The following GALNT18 variants were observed in gnomAD, a reference collection of about 807,000 sequenced individuals.
GALNT18 encodes GalNAc-transferase 18.
Under a neutral mutation model 69.5 loss-of-function variants are expected in GALNT18, and 44 were observed. That is an observed-to-expected ratio of 0.63 (90% confidence interval 0.50 to 0.81). The LOEUF (loss-of-function observed/expected upper bound fraction) is 0.81. Among genes scored for constraint, GALNT18 ranks in the 40% least tolerant of loss-of-function variants. The probability of loss-of-function intolerance (pLI) is 0.00; values close to 1 mark genes in which losing one functional copy is unlikely to be tolerated. For synonymous variants in GALNT18, 364 were observed against 318.2 expected (o/e 1.14, Z -1.53); for missense variants, 715 against 810.0 (o/e 0.88, Z 1.42).
At chr11:11,525,832 C>T (rs1259903026) in intron 1 of GALNT18, among the ~76,000 whole-genome samples, 1 of 151,924 alleles carries the variant, frequency 6.6e-6, no homozygotes, top group Non-Finnish European at 1.5e-5. Context: ...CAGGGTTTCT[C>T]CATGTTGGTC....
intron 1 of GALNT18, among the ~76,000 whole-genome samples, chr11:11,495,244 T>A (rs1856846467): frequency 6.6e-6 from 1 of 152,140 alleles, no homozygotes; most frequent in Non-Finnish European, 1.5e-5. Flanking sequence ...AGAGCAGCAT[T>A]TTTGCATGGT....
intron 10 of GALNT18, among the ~76,000 whole-genome samples, chr11:11,284,449 G>T (rs1454378516): frequency 6.6e-6 from 1 of 152,098 alleles, no homozygotes; most frequent in Non-Finnish European, 1.5e-5. Flanking sequence ...TGGTGGTGGT[G>T]GTCTGGGACC....
chr11:11,308,860 A>G (rs55679370), intron 9 of GALNT18, among the ~76,000 whole-genome samples: 17,493 of 152,154 alleles, frequency 0.11, 1,285 homozygotes, highest in South Asian at 0.35. Flanking sequence ...TGTGGCCTCA[A>G]TTCTGGGGTG....
Position 11,543,026 on chromosome 11 carries a change from G to T in GALNT18, c.235+78333C>A, listed in dbSNP as rs1177884907. On this transcript the variant is annotated intron_variant, in intron 1 of 10. Coordinates refer to ENST00000227756, the MANE Select transcript of GALNT18 (RefSeq NM_198516.3). This position sits in a 1 kb window ranked among gnomAD's most constrained non-coding sequence, Gnocchi z 5.1. ...GAGTGAATGATATGACCTTCCTCAA[G>T]GTTGTTTCAGGCACTAAATGCACCA... Among the ~76,000 whole-genome samples, 1 of 152,180 alleles carries T rather than the reference G, an allele frequency of 6.6e-6. No individual in the cohort carries two copies. The highest frequency in any genetic ancestry group is 6.5e-5 in the Admixed American group (1 of 15,284).
chr11:11,281,963 C>G (rs538686122), intron 10 of GALNT18, among the ~76,000 whole-genome samples: 2 of 152,020 alleles, frequency 1.3e-5, no homozygotes, highest in East Asian at 1.9e-4. Flanking sequence ...GGTGGGGCAT[C>G]GCTGAGCAGA....
intron 6 of GALNT18, among the ~76,000 whole-genome samples, chr11:11,366,482 A>G (rs931765581): frequency 3.3e-5 from 5 of 152,202 alleles, no homozygotes; most frequent in African/African-American, 1.2e-4. Context: ...GTTAAAAATA[A>G]TGATTAGAAT....
intron 10 of GALNT18, among the ~76,000 whole-genome samples, chr11:11,285,145 G>A (rs937958294): frequency 5.3e-5 from 8 of 151,990 alleles, no homozygotes; most frequent in African/African-American, 1.9e-4. Context: ...TTTGCGACAG[G>A]CTCAGCAGGG....
At chr11:11,457,360 C>T (rs1362011355) in intron 1 of GALNT18, among the ~76,000 whole-genome samples, 1 of 152,206 alleles carries the variant, frequency 6.6e-6, no homozygotes, top group African/African-American at 2.4e-5. Flanking sequence ...CTCTTGCCAT[C>T]GCTGGAGATA....
rs2133897814 is a variant in GALNT18 at position 11,500,304 on chromosome 11, C to G, written c.236-51368G>C. On this transcript the variant is annotated intron_variant, in intron 1 of 10. Transcript: ENST00000227756. This position sits in a 1 kb window ranked among gnomAD's most constrained non-coding sequence, Gnocchi z 5.0. ...CCCGGGAGTCCCTAATACTGGCGGA[C>G]AGAGATGGGTTTCAAATCCCAATTT... is the stretch of plus-strand genomic sequence containing the variant. Among the ~76,000 whole-genome samples the G allele has an allele frequency of 6.6e-6, 1 of 152,246 alleles. No individual in the cohort carries two copies. The highest frequency in any genetic ancestry group is 1.5e-5 in the Non-Finnish European group (1 of 68,012).
chr11:11,397,791 A>G (rs550803896), intron 3 of GALNT18, among the ~76,000 whole-genome samples: 5 of 152,306 alleles, frequency 3.3e-5, no homozygotes, highest in South Asian at 4.1e-4. Flanking sequence ...TATATTTTTA[A>G]AAGGGCATAG....
At chr11:11,407,159 C>T (rs1448794519) in intron 3 of GALNT18, among the ~76,000 whole-genome samples, 1 of 152,190 alleles carries the variant, frequency 6.6e-6, no homozygotes, top group East Asian at 1.9e-4. Flanking sequence ...ACGTCATAGG[C>T]AGAGACAATG....
intron 9 of GALNT18, among the ~76,000 whole-genome samples, chr11:11,301,749 C>G (rs184842481): frequency 6.6e-6 from 1 of 152,194 alleles, no homozygotes; most frequent in South Asian, 2.1e-4. Context: ...CAACAAACAC[C>G]CTCTTTGCCT....
rs1860198657 is a variant in GALNT18 at position 11,621,685 on chromosome 11, G to A, written c.-92C>T. On this transcript the variant is annotated 5_prime_UTR_variant, in exon 1 of 11. Transcript: ENST00000227756. This position sits in a 1 kb window ranked among gnomAD's most constrained non-coding sequence, Gnocchi z 9.3. ...GCGCTCGCACCCCGTAGCACGTCCG[G>A]AGCCGCTGGGCACCTCAGCACCTGA... is the stretch of plus-strand genomic sequence containing the variant. 8.5e-6 allele frequency: 8 copies of A among 938,630 alleles called. No homozygotes were observed. The South Asian group carries it at 1.3e-4, about 15-fold the overall frequency. The allele number at this position is 938,630 out of a possible 1,614,324, so 58.1% of individuals were successfully genotyped here. A position where few individuals can be genotyped will look rare whatever the true frequency, so the allele number is the denominator to read the frequency against.
In GALNT18 at chr11:11,288,123, C is replaced by T. The variant is rs141016224; in HGVS notation, c.1677+4906G>A. Among the ~76,000 whole-genome samples the T allele has an allele frequency of 3.1e-3, 474 of 152,242 alleles. 18 individuals carry two copies. The highest frequency in any genetic ancestry group is 0.026 in the Admixed American group (394 of 15,294). On this transcript the variant is annotated intron_variant, in intron 10 of 10. Coordinates refer to ENST00000227756, the MANE Select transcript of GALNT18 (RefSeq NM_198516.3). ...ATTTTGCACACCCCACCATGGAAAT[C>T]TACTACTTAAGAACCTTCCCCATTC...
At position 11,586,735 on chromosome 11, in the gene GALNT18, A is replaced by G. The variant is rs1859235754; in HGVS notation, c.235+34624T>C. On this transcript the variant is annotated intron_variant, in intron 1 of 10. Transcript: ENST00000227756. This position sits in a 1 kb window ranked among gnomAD's most constrained non-coding sequence, Gnocchi z 4.1. ...ATGCCTGTAATCACAGCCCTTTGGG[A>G]CGCCGAGGCGGGCAGATCACCTGAG... 6.6e-6 allele frequency among the ~76,000 whole-genome samples: 1 copy of G among 152,168 alleles called. No homozygotes were observed.
intron 1 of GALNT18, among the ~76,000 whole-genome samples, chr11:11,460,082 AC>A (rs1475184702): frequency 1.3e-5 from 2 of 151,784 alleles, no homozygotes; most frequent in Admixed American, 6.6e-5. Context: ...ACATTCAAGG[AC>A]CCCTACGGTT....
rs936561545 is a variant in GALNT18, at chr11:11,319,320, C to A, written c.1512+7766G>T. On this transcript the variant is annotated intron_variant, in intron 9 of 10. Coordinates refer to ENST00000227756, the MANE Select transcript of GALNT18 (RefSeq NM_198516.3). ...GCTCAAGAGAGAAACAAGTTCAAATCTTGGCTGTGGTGAAGATTTGAAGAT... is the reference window on the plus strand; with the variant it reads ...GCTCAAGAGAGAAACAAGTTCAAATATTGGCTGTGGTGAAGATTTGAAGAT... 3.9e-5 allele frequency among the ~76,000 whole-genome samples: 6 copies of A among 152,190 alleles called. No homozygotes were observed. The South Asian group carries it at 6.2e-4, about 16-fold the overall frequency.
chr11:11,418,538 G>A (rs1480376267), intron 3 of GALNT18, among the ~76,000 whole-genome samples: 1 of 152,188 alleles, frequency 6.6e-6, no homozygotes, highest in African/African-American at 2.4e-5. Flanking sequence ...CCCTCCCAGA[G>A]TGACTGAGAT....
Position 11,620,104 on chromosome 11 carries a change from T to A in GALNT18, c.235+1255A>T, listed in dbSNP as rs1271909721. 7.5e-6 allele frequency among the ~76,000 whole-genome samples: 1 copy of A among 132,704 alleles called. No homozygotes were observed. The highest frequency in any genetic ancestry group is 2.7e-4 in the South Asian group (1 of 3,772). The allele number at this position is 132,704 out of a possible 152,430, so 87.1% of individuals were successfully genotyped here. On this transcript the variant is annotated intron_variant, in intron 1 of 10. Coordinates refer to ENST00000227756, the MANE Select transcript of GALNT18 (RefSeq NM_198516.3). This position sits in a 1 kb window ranked among gnomAD's most constrained non-coding sequence, Gnocchi z 6.9. ...AGGTGCAAGGATTGGAATTCAGACA[T>A]CCACGTGTAAACAAAAGGGAGTGCT...
Sources: allele counts gnomAD v4.1 joint callset (sites outside exome capture counted in the v4.1 genomes callset), GRCh38; gene constraint gnomAD v4.1.1; non-coding constraint Gnocchi (gnomAD v3.1); transcripts MANE v1.5; gene names NCBI Gene and HGNC (gene_info 2026-07-23, HGNC 2026-07-21).